The following MIPOL1 variants were observed in gnomAD, a reference collection of about 807,000 sequenced individuals.
MIPOL1 encodes the protein mirror-image polydactyly gene 1 protein.
In MIPOL1, 57 loss-of-function variants were observed where a neutral mutation model predicts 60.9. That is an observed-to-expected ratio of 0.94 (90% confidence interval 0.76 to 1.17). The LOEUF is 1.17. MIPOL1 is among the 50% of genes most tolerant of loss of function. MIPOL1 has a pLI of 0.00. For synonymous variants in MIPOL1, 179 were observed against 168.8 expected (o/e 1.06, Z -0.47); for missense variants, 551 against 511.6 (o/e 1.08, Z -0.74).
intron 9 of MIPOL1, among the ~76,000 whole-genome samples, chr14:37,355,143 T>A (rs1049301255): frequency 6.7e-6 from 1 of 149,294 alleles, no homozygotes; most frequent in Non-Finnish European, 1.5e-5. Flanking sequence ...CTGTAAAGTA[T>A]TTTATTTCTC....
At chr14:37,298,337 C>G (rs1049463106) in intron 7 of MIPOL1, among the ~76,000 whole-genome samples, 13 of 151,776 alleles carry the variant, frequency 8.6e-5, no homozygotes, top group African/African-American at 3.1e-4. Context: ...AGACCTAAAA[C>G]CATAAAAACC....
chr14:37,424,825 C>T (rs1335848313), intron 11 of MIPOL1, among the ~76,000 whole-genome samples: 3 of 152,184 alleles, frequency 2.0e-5, no homozygotes, highest in African/African-American at 4.8e-5. Context: ...GTCTTTTACA[C>T]CAATGACTCT....
chr14:37,369,118 A>G (rs1348419035), intron 9 of MIPOL1, among the ~76,000 whole-genome samples: 1 of 151,996 alleles, frequency 6.6e-6, no homozygotes, highest in Admixed American at 6.6e-5. Context: ...ATATTAATAA[A>G]ATGTGATCAT....
intron 10 of MIPOL1, among the ~76,000 whole-genome samples, chr14:37,375,630 A>G (rs968179398): frequency 2.6e-5 from 4 of 152,064 alleles, no homozygotes; most frequent in East Asian, 1.9e-4. Context: ...TTTATTATGT[A>G]TTATCTTTAC....
chr14:37,443,164 A>T lies in MIPOL1; in HGVS notation c.1031+20215A>T, dbSNP rs2094276837. On this transcript the variant is annotated intron_variant, in intron 11 of 12. Transcript: ENST00000684589. The stretch of plus-strand genomic sequence containing the variant: ...GAATTGGGAGTCTAGAAATAAACCC[A>T]TAGTGGTCATAAAAAGAAATAGAAA... Among the ~76,000 whole-genome samples, 3 of 152,154 alleles carry T rather than the reference A, an allele frequency of 2.0e-5. No homozygotes were observed. In the South Asian group the frequency reaches 6.2e-4, roughly 31 times the overall value.
In MIPOL1 at chr14:37,233,016, C is replaced by T. The variant is rs548891455; in HGVS notation, c.-198-14087C>T. Reference sequence around the variant, plus strand: ...TCATCAGCTTAGTGAGGCATCCACTCCATGCATGTATGGCTTCATCTTTTT... The same window carrying T: ...TCATCAGCTTAGTGAGGCATCCACTTCATGCATGTATGGCTTCATCTTTTT... On this transcript the variant is annotated intron_variant, in intron 1 of 12. Transcript: ENST00000684589. 3.8e-4 allele frequency among the ~76,000 whole-genome samples: 58 copies of T among 152,194 alleles called. 1 individual carries two copies. Among genetic ancestry groups the T allele is most frequent in the Non-Finnish European group, 5.9e-4 (40 of 68,036 alleles).
chr14:37,509,430 G>C (rs939593727), intron 12 of MIPOL1, among the ~76,000 whole-genome samples: 1 of 151,594 alleles, frequency 6.6e-6, no homozygotes, highest in Non-Finnish European at 1.5e-5. Flanking sequence ...TGTCACACAG[G>C]GTTCTTAGCA....
At chr14:37,205,930 A>G (rs1258389863) in intron 1 of MIPOL1, among the ~76,000 whole-genome samples, 2 of 152,232 alleles carry the variant, frequency 1.3e-5, no homozygotes, top group African/African-American at 2.4e-5. Flanking sequence ...ATAAACATAC[A>G]TGTGCCTGAA....
At chr14:37,246,398 G>A (rs1242649035) in intron 1 of MIPOL1, among the ~76,000 whole-genome samples, 4 of 152,020 alleles carry the variant, frequency 2.6e-5, no homozygotes, top group African/African-American at 9.7e-5. Context: ...CATAATATAG[G>A]TATTAATTTA....
chr14:37,481,380 C>T (rs1051694003), intron 11 of MIPOL1, among the ~76,000 whole-genome samples: 2 of 151,814 alleles, frequency 1.3e-5, no homozygotes, highest in Non-Finnish European at 2.9e-5. Flanking sequence ...TTGAAGAGGA[C>T]ACAAATAAGT....
intron 1 of MIPOL1, among the ~76,000 whole-genome samples, chr14:37,199,809 A>C (rs892129348): frequency 6.6e-6 from 1 of 152,120 alleles, no homozygotes; most frequent in Non-Finnish European, 1.5e-5. Flanking sequence ...ACAGGTGTGA[A>C]CCATCGCGCC....
intron 1 of MIPOL1, among the ~76,000 whole-genome samples, chr14:37,228,762 A>G (rs1303712965): frequency 6.6e-6 from 1 of 152,164 alleles, no homozygotes; most frequent in Non-Finnish European, 1.5e-5. Flanking sequence ...TTCGTGTGTA[A>G]TTAGTGTTGC....
intron 11 of MIPOL1, among the ~76,000 whole-genome samples, chr14:37,447,770 A>G (rs1261533362): frequency 1.3e-5 from 2 of 152,136 alleles, no homozygotes; most frequent in Non-Finnish European, 2.9e-5. Flanking sequence ...CATAACTTCT[A>G]CATTTATCTT....
chr14:37,343,958 A>G (rs371012389), intron 9 of MIPOL1, among the ~76,000 whole-genome samples: 174 of 152,270 alleles, frequency 1.1e-3, no homozygotes, highest in Non-Finnish European at 2.2e-3. Context: ...GCAATGTTCC[A>G]TCTTTTTAAA....
intron 10 of MIPOL1, among the ~76,000 whole-genome samples, chr14:37,382,084 AG>A (rs1256238306): frequency 1.3e-5 from 2 of 151,992 alleles, no homozygotes; most frequent in Non-Finnish European, 2.9e-5. Context: ...TTGGTATTTT[AG>A]GGGGAAGAAT....
At chr14:37,288,918 G>GTT (rs1282877240) in intron 7 of MIPOL1, among the ~76,000 whole-genome samples, 1 of 152,114 alleles carries the variant, frequency 6.6e-6, no homozygotes, top group African/African-American at 2.4e-5. Flanking sequence ...TCAGATAAAA[G>GTT]TTCTTTTCTC....
At chr14:37,350,417 AT>A (rs372383007) in intron 9 of MIPOL1, among the ~76,000 whole-genome samples, 2,890 of 134,652 alleles carry the variant, frequency 0.021, 83 homozygotes, top group African/African-American at 0.072. Flanking sequence ...TTTCTTTCCT[AT>A]TTTTTTTTTA....
intron 12 of MIPOL1, among the ~76,000 whole-genome samples, chr14:37,519,105 CA>C (rs2153629731): frequency 6.6e-6 from 1 of 152,154 alleles, no homozygotes; most frequent in Non-Finnish European, 1.5e-5. Flanking sequence ...ATAATTAATT[CA>C]AGCAAAGACC....
chr14:37,205,674 T>C (rs956852266), intron 1 of MIPOL1, among the ~76,000 whole-genome samples: 1 of 152,116 alleles, frequency 6.6e-6, no homozygotes, highest in Admixed American at 6.6e-5. Flanking sequence ...TGTGTCCAAG[T>C]GATCTCATTG....
Sources: gnomAD v4.1 joint callset for allele counts (sites outside exome capture counted in the v4.1 genomes callset) on GRCh38, gnomAD v4.1.1 for gene constraint, MANE v1.5 for transcripts, NCBI Gene and HGNC (gene_info 2026-07-23, HGNC 2026-07-21) for gene names.